CLN6: variants seen among roughly 807,000 people sequenced by gnomAD.
CLN6 encodes CLN6 transmembrane ER protein, also known as ceroid-lipofuscinosis neuronal protein 6.
Under a neutral mutation model 33.3 loss-of-function variants are expected in CLN6, and 22 were observed. The observed-to-expected ratio is 0.66, with a 90% CI of 0.47 to 0.94. The LOEUF is 0.94. CLN6 is among the 40% of genes least tolerant of loss of function. CLN6 has a pLI of 0.00. For synonymous variants in CLN6, 201 were observed against 174.6 expected (o/e 1.15, Z -1.19); for missense variants, 387 against 417.1 (o/e 0.93, Z 0.63).
chr15:68,251,330 T>C (rs1365078837), intron 1 of CLN6, among the ~76,000 whole-genome samples: 1 of 152,182 alleles, frequency 6.6e-6, no homozygotes, highest in Admixed American at 6.5e-5. Flanking sequence ...AAGCCTATAA[T>C]CTTCATCATT....
chr15:68,223,323 G>A (rs2093243098), intron 1 of CLN6, among the ~76,000 whole-genome samples: 1 of 152,132 alleles, frequency 6.6e-6, no homozygotes, highest in African/African-American at 2.4e-5. Context: ...GCCAGAGAAA[G>A]AGAAGGGACG....
rs1407484310 is a variant in CLN6, at chr15:68,210,762, G to C, written c.542+501C>G. On this transcript the variant is annotated intron_variant, in intron 5 of 6. Transcript: ENST00000249806. The surrounding 1 kb of genome is among the most constrained non-coding windows in gnomAD (Gnocchi z 5.6). ...GGTGCCCCTCTGGGAGTTCTGAAGA[G>C]GGGGGAGCGCAAACAGCACGCCCCT... Among the ~76,000 whole-genome samples the C allele has an allele frequency of 1.3e-5, 2 of 152,172 alleles. No individual in the cohort carries two copies. The highest frequency in any genetic ancestry group is 2.1e-4 in the South Asian group (1 of 4,832).
intron 1 of CLN6, among the ~76,000 whole-genome samples, chr15:68,238,392 ACT>A (rs980657893): frequency 7.3e-5 from 11 of 151,516 alleles, no homozygotes; most frequent in East Asian, 1.9e-4. Flanking sequence ...ACAGAGTGAG[ACT>A]CTGTCTCAAA....
intron 1 of CLN6, among the ~76,000 whole-genome samples, chr15:68,248,945 A>G (rs1892351998): frequency 6.6e-6 from 1 of 152,194 alleles, no homozygotes; most frequent in East Asian, 1.9e-4. Context: ...GAACTCAAAG[A>G]ACTCAATAGC....
chr15:68,244,661 A>G (rs1892312346), intron 1 of CLN6, among the ~76,000 whole-genome samples: 1 of 152,160 alleles, frequency 6.6e-6, no homozygotes, highest in African/African-American at 2.4e-5. Flanking sequence ...ACAACCCCAG[A>G]ATACTCCAAT....
At chr15:68,226,599 T>A (rs1198658079) in intron 1 of CLN6, among the ~76,000 whole-genome samples, 2 of 152,042 alleles carry the variant, frequency 1.3e-5, no homozygotes, top group Admixed American at 6.6e-5. Context: ...CCCGAGTAGC[T>A]GGGACTACAT....
chr15:68,229,736 T>C (rs1001478557), upstream of CLN6: 10 of 385,628 alleles, frequency 2.6e-5, no homozygotes, highest in African/African-American at 1.4e-4. Flanking sequence ...CAGGCGGGGC[T>C]GCGGACCCGG....
intron 1 of CLN6, among the ~76,000 whole-genome samples, chr15:68,226,740 C>A (rs558530795): frequency 6.6e-6 from 1 of 152,318 alleles, no homozygotes; most frequent in South Asian, 2.1e-4. Context: ...GCTGGGATTA[C>A]AGGCATGAGC....
At chr15:68,245,107 G>C (rs1359764794) in intron 1 of CLN6, among the ~76,000 whole-genome samples, 3 of 150,118 alleles carry the variant, frequency 2.0e-5, no homozygotes, top group Non-Finnish European at 4.4e-5. Flanking sequence ...GTCAAAATGT[G>C]GGGAGATGGA....
At position 68,247,297 on chromosome 15, in the gene CLN6, A is replaced by G. The variant is rs868069267; in HGVS notation, c.179+9393T>C. 6.6e-6 allele frequency among the ~76,000 whole-genome samples: 1 copy of G among 152,196 alleles called. No individual in the cohort carries two copies. Among genetic ancestry groups the G allele is most frequent in the South Asian group, 2.1e-4 (1 of 4,838 alleles). On this transcript the variant is annotated intron_variant, in intron 1 of 6. Transcript: ENST00000538696. This position sits in a 1 kb window ranked among gnomAD's most constrained non-coding sequence, Gnocchi z 4.2. ...CCACCAAAAAACTGTTAGAACTGAT[A>G]AACAAATGCAGTAAAGTCGCTGGAT...
At position 68,210,045 on chromosome 15, in the gene CLN6, G is replaced by T. The variant is rs1174627325; in HGVS notation, c.543-286C>A. On this transcript the variant is annotated intron_variant, in intron 5 of 6. Coordinates refer to ENST00000249806, the MANE Select transcript of CLN6 (RefSeq NM_017882.3). This position sits in a 1 kb window ranked among gnomAD's most constrained non-coding sequence, Gnocchi z 5.6. ...CGTGGGGGTAAGGGGTGTCTGGGGG[G>T]TTGTCTGTCTCATGCACCGCAGACA... 6.6e-6 allele frequency among the ~76,000 whole-genome samples: 1 copy of T among 152,136 alleles called. No homozygotes were observed. Among genetic ancestry groups the T allele is most frequent in the Non-Finnish European group, 1.5e-5 (1 of 68,016 alleles).
Position 68,227,993 on chromosome 15 carries a change from C to T in CLN6, c.83+1509G>A, listed in dbSNP as rs530021094. 1.3e-5 allele frequency among the ~76,000 whole-genome samples: 2 copies of T among 152,330 alleles called. No individual in the cohort carries two copies. The highest frequency in any genetic ancestry group is 4.8e-5 in the African/African-American group (2 of 41,570). ...GGGAGCTGGTAAATGGGTTGGGTCA[C>T]AGCAGAGATGAAACCACTGGACACG... On this transcript the variant is annotated intron_variant, in intron 1 of 6. Transcript: ENST00000249806. The surrounding 1 kb of genome is among the most constrained non-coding windows in gnomAD (Gnocchi z 4.1).
chr15:68,207,430 T>G lies in CLN6; in HGVS notation c.*710A>C, dbSNP rs924401214. The G allele has an allele frequency of 1.3e-5, 2 of 153,188 alleles. No homozygotes were observed. Among genetic ancestry groups the G allele is most frequent in the African/African-American group, 4.8e-5 (2 of 41,456 alleles). The allele number at this position is 153,188 out of a possible 1,614,324, so 9.5% of individuals were successfully genotyped here. On this transcript the variant is annotated 3_prime_UTR_variant, in exon 7 of 7. Coordinates refer to ENST00000249806, the MANE Select transcript of CLN6 (RefSeq NM_017882.3). ...GGGAGTGGGCGGTGCCTCCAGCTCC[T>G]GGGGGCCAGGGTGTCTCCATACCTC...
Position 68,208,348 on chromosome 15 carries a change from G to A in CLN6, c.728C>T (p.Ala243Val), listed in dbSNP as rs767164948. The A allele has an allele frequency of 1.5e-4, 240 of 1,613,992 alleles. No homozygotes were observed. Among genetic ancestry groups the A allele is most frequent in the Non-Finnish European group, 1.9e-4 (225 of 1,180,044 alleles). ...LFIFTFFAML[A>V]LVLHQKRKRL... is the part of the protein sequence containing the mutation. ...CTTGCGCTTCTGGTGCAGGACGAGG[G>A]CCAGCATGGCGAAGAAGGTGAAGAT... is the stretch of plus-strand genomic sequence containing the variant. The change falls in exon 7 of 7, where the codon GCC becomes GTC. Residue 243 changes from alanine to valine, a missense_variant. Ala to Val is a moderately conservative substitution (Grantham distance 64, BLOSUM62 0). Transcript: ENST00000249806. The surrounding 1 kb of genome is among the most constrained non-coding windows in gnomAD (Gnocchi z 5.8).
intron 1 of CLN6, among the ~76,000 whole-genome samples, chr15:68,222,498 T>C (rs1443552239): frequency 1.4e-5 from 2 of 147,148 alleles, no homozygotes; most frequent in Admixed American, 1.4e-4. Flanking sequence ...GTCTGGGAGG[T>C]GTGGAGCACC....
rs1892327441 is a variant in CLN6 at position 68,246,131 on chromosome 15, A to T, written c.179+10559T>A. Among the ~76,000 whole-genome samples the T allele has an allele frequency of 6.6e-6, 1 of 152,094 alleles. No individual in the cohort carries two copies. Among genetic ancestry groups the T allele is most frequent in the South Asian group, 2.1e-4 (1 of 4,828 alleles). The stretch of plus-strand genomic sequence containing the variant: ...ATACAATACAGTAGGGGACTTCAAC[A>T]CCCCACTTTTCAGTAATAAACAGAT... On this transcript the variant is annotated intron_variant, in intron 1 of 6. Coordinates refer to the CLN6 transcript ENST00000538696. This position sits in a 1 kb window ranked among gnomAD's most constrained non-coding sequence, Gnocchi z 4.5.
At chr15:68,212,730 C>T (rs922186400) in intron 3 of CLN6, 1 of 152,240 alleles carries the variant, frequency 6.6e-6, no homozygotes, top group Non-Finnish European at 1.5e-5. Context: ...AGGCTGGTCT[C>T]AAACTACTGG....
chr15:68,234,440 G>A (rs1278093391), upstream of CLN6, among the ~76,000 whole-genome samples: 2 of 152,216 alleles, frequency 1.3e-5, no homozygotes, highest in East Asian at 3.9e-4. The surrounding 1 kb of genome is among the most constrained non-coding windows in gnomAD (Gnocchi z 4.1). Flanking sequence ...GGAAGGAGAA[G>A]TGTATAGTTC....
chr15:68,256,962 A>G lies in CLN6; in HGVS notation c.-94T>C, dbSNP rs1482856606. 1.2e-5 allele frequency: 7 copies of G among 587,640 alleles called. No homozygotes were observed. Among genetic ancestry groups the G allele is most frequent in the East Asian group, 2.8e-5 (1 of 35,668 alleles). The allele number at this position is 587,640 out of a possible 1,614,324, so 36.4% of individuals were successfully genotyped here. On this transcript the variant is annotated 5_prime_UTR_variant, in exon 1 of 7. Transcript: ENST00000538696. The surrounding 1 kb of genome is among the most constrained non-coding windows in gnomAD (Gnocchi z 4.1). ...GGGCAGGGTGTAGTGATGGTCACGC[A>G]TCCCTTCCCTGGGCTTCTCCGGCAC...
Sources: gnomAD v4.1 joint callset for allele counts (sites outside exome capture counted in the v4.1 genomes callset) on GRCh38, gnomAD v4.1.1 for gene constraint, Gnocchi (gnomAD v3.1) non-coding constraint, MANE v1.5 for transcripts, NCBI Gene and HGNC (gene_info 2026-07-23, HGNC 2026-07-21) for gene names.